CDC7: variants seen among roughly 807,000 people sequenced by gnomAD.
CDC7 encodes the protein cell division cycle 7-related protein kinase.
A neutral mutation model predicts 53.5 loss-of-function variants in CDC7; 34 were observed. The observed-to-expected ratio is 0.64, with a 90% confidence interval of 0.48 to 0.85. The LOEUF is 0.85. Among genes scored for constraint, CDC7 ranks in the 40% least tolerant of loss-of-function variants. CDC7 has a pLI of 0.00. For synonymous variants in CDC7, 211 were observed against 222.8 expected (o/e 0.95, Z 0.47); for missense variants, 594 against 679.7 (o/e 0.87, Z 1.40).
At chr1:91,504,643 A>G (rs1415805482) in intron 2 of CDC7, among the ~76,000 whole-genome samples, 1 of 152,166 alleles carries the variant, frequency 6.6e-6, no homozygotes, top group Non-Finnish European at 1.5e-5. Flanking sequence ...GATCTAGCTT[A>G]CGGCTATTGT....
intron 10 of CDC7, among the ~76,000 whole-genome samples, chr1:91,517,439 C>T (rs1287640948): frequency 6.6e-6 from 1 of 152,078 alleles, no homozygotes; most frequent in Non-Finnish European, 1.5e-5. Context: ...AGGATGTTTA[C>T]CAGATTCCTA....
intron 11 of CDC7, among the ~76,000 whole-genome samples, chr1:91,521,909 G>A (rs1288534393): frequency 6.6e-6 from 1 of 152,050 alleles, no homozygotes; most frequent in Non-Finnish European, 1.5e-5. Context: ...ACTCACACCT[G>A]TAATCCCAGC....
intron 6 of CDC7, among the ~76,000 whole-genome samples, chr1:91,512,390 T>C (rs1286047604): frequency 7.3e-6 from 1 of 137,466 alleles, no homozygotes; most frequent in African/African-American, 2.7e-5. Context: ...TAGCATGAAC[T>C]AACAGACTTA....
chr1:91,515,781 A>G lies in CDC7; in HGVS notation c.1098-13A>G. On this transcript the variant is annotated splice_polypyrimidine_tract_variant and intron_variant, in intron 9 of 11. Transcript: ENST00000234626. ...ACTTTAACATAACTAGAGAAATCTT[A>G]TTTCATCATAAGGCGTCAGCAGGTT... 1 of 1,612,658 alleles carries G rather than the reference A, an allele frequency of 6.2e-7. No homozygotes were observed. Among genetic ancestry groups the G allele is most frequent in the Non-Finnish European group, 8.5e-7 (1 of 1,179,428 alleles).
intron 10 of CDC7, among the ~76,000 whole-genome samples, chr1:91,519,382 CTG>C (rs1667788044): frequency 6.6e-6 from 1 of 151,286 alleles, no homozygotes; most frequent in South Asian, 2.1e-4. Flanking sequence ...TGAGCTGAGA[CTG>C]TGCCACTGCA....
intron 8 of CDC7, among the ~76,000 whole-genome samples, chr1:91,514,283 C>T (rs1667439630): frequency 6.6e-6 from 1 of 152,092 alleles, no homozygotes; most frequent in Admixed American, 6.6e-5. Context: ...TCTAGAGGAA[C>T]ATTTAGAACA....
intron 4 of CDC7, among the ~76,000 whole-genome samples, chr1:91,510,685 T>C (rs1218863744): frequency 6.6e-6 from 1 of 152,198 alleles, no homozygotes; most frequent in Non-Finnish European, 1.5e-5. Context: ...AATGCCTTCA[T>C]CTGATCTTAC....
At chr1:91,501,015 G>A (rs943757555) in intron 1 of CDC7, 67 bp downstream of exon 1, 1 of 152,296 alleles carries the variant, frequency 6.6e-6, no homozygotes, top group Non-Finnish European at 1.5e-5. Flanking sequence ...TCTGGATCGT[G>A]ACTTCGGTTT....
Position 91,525,396 on chromosome 1 carries a change from C to G in CDC7, c.*961C>G, listed in dbSNP as rs184846160. The G allele has an allele frequency of 5.9e-5, 9 of 152,102 alleles. No homozygotes were observed. The East Asian group carries it at 1.5e-3, about 26-fold the overall frequency. The allele number at this position is 152,102 out of a possible 1,614,324, so 9.4% of individuals were successfully genotyped here. A position where few individuals can be genotyped will look rare whatever the true frequency, so the allele number is the denominator to read the frequency against. ...TCCAGATCTCTGTATCCTGTTTTGA[C>G]TAAGTCTTAGGTGGGTTGGGAAGAC... is the stretch of plus-strand genomic sequence containing the variant. On this transcript the variant is annotated 3_prime_UTR_variant, in exon 12 of 12. Coordinates refer to ENST00000234626, the MANE Select transcript of CDC7 (RefSeq NM_003503.4).
intron 2 of CDC7, among the ~76,000 whole-genome samples, chr1:91,504,217 C>T (rs1666860968): frequency 6.6e-6 from 1 of 151,826 alleles, no homozygotes; most frequent in South Asian, 2.1e-4. Context: ...GCAATCCTAC[C>T]CCCTCAGCCT....
chr1:91,522,573 T>A (rs1302421680), intron 11 of CDC7, among the ~76,000 whole-genome samples: 1 of 151,988 alleles, frequency 6.6e-6, no homozygotes, highest in African/African-American at 2.4e-5. Flanking sequence ...TTTGGTCATA[T>A]AAAAAAAAGC....
At chr1:91,508,018 A>G in intron 3 of CDC7, 81 bp downstream of exon 3, 1 of 1,189,120 alleles carries the variant, frequency 8.4e-7, no homozygotes, top group Non-Finnish European at 1.2e-6. Flanking sequence ...GGTTTTCATT[A>G]CTATTTCTTA....
chr1:91,510,856 T>C (rs943145383), intron 4 of CDC7, among the ~76,000 whole-genome samples: 2 of 152,224 alleles, frequency 1.3e-5, no homozygotes, highest in Non-Finnish European at 1.5e-5. Flanking sequence ...TTATTCTCTT[T>C]GACTTCCATG....
At chr1:91,507,770 T>G in intron 2 of CDC7, 84 bp from the exon 3 acceptor site, 1 of 912,962 alleles carries the variant, frequency 1.1e-6, no homozygotes. Context: ...TTTTATAATT[T>G]ATTTCATTGA....
intron 9 of CDC7, among the ~76,000 whole-genome samples, chr1:91,515,380 A>T (rs1557596272): frequency 1.3e-5 from 2 of 152,148 alleles, no homozygotes. Context: ...TCTTTGACTC[A>T]TAAATTTCTT....
rs12141745 is a variant in CDC7, at chr1:91,502,197, A to G, written c.115+366A>G. Among the ~76,000 whole-genome samples, 217 of 152,370 alleles carry G rather than the reference A, an allele frequency of 1.4e-3. 1 individual carries two copies. Among genetic ancestry groups the G allele is most frequent in the Admixed American group, 3.1e-3 (48 of 15,308 alleles). On this transcript the variant is annotated intron_variant, in intron 2 of 11. Transcript: ENST00000234626. ...CTGGAGATCATCACTTAAGTATTCA[A>G]AAGCAGAACTCACAGACAAAAAAAT...
intron 4 of CDC7, among the ~76,000 whole-genome samples, chr1:91,510,711 AT>A (rs13447497): frequency 0.013 from 1,933 of 152,262 alleles, 32 homozygotes; most frequent in African/African-American, 0.044. Flanking sequence ...AGTCAGGCAA[AT>A]TGTCTTCAGG....
In CDC7 at chr1:91,511,963, C is replaced by A. The variant is rs372394686; in HGVS notation, c.572+40C>A. 6.9e-6 allele frequency: 10 copies of A among 1,448,786 alleles called. No individual in the cohort carries two copies. The African/African-American group carries it at 1.4e-4, about 21-fold the overall frequency. The allele number at this position is 1,448,786 out of a possible 1,614,324, so 89.7% of individuals were successfully genotyped here. A position where few individuals can be genotyped will look rare whatever the true frequency, so the allele number is the denominator to read the frequency against. ...TTACTAGAAAATATTTATCCTATTT[C>A]TTTTAAAAAACAATTTTATTGTCTA... On this transcript the variant is annotated intron_variant, in intron 6 of 11. Transcript: ENST00000234626.
Position 91,523,981 on chromosome 1 carries a change from GAT to G in CDC7, c.1331-55_1331-54del, listed in dbSNP as rs1329521472. The G allele has an allele frequency of 9.1e-6, 12 of 1,321,582 alleles. No individual in the cohort carries two copies. In the Middle Eastern group the frequency reaches 5.9e-4, roughly 65 times the overall value. 81.9% of individuals were successfully genotyped at this position (1,321,582 alleles called of 1,614,324 possible). A position where few individuals can be genotyped will look rare whatever the true frequency, so the allele number is the denominator to read the frequency against. The stretch of plus-strand genomic sequence containing the variant: ...CATGTTTCTCATGAGAGAGGCTTCT[GAT>G]ATATTCAAATAATAAAATGTTTTTT... On this transcript the variant is annotated intron_variant, in intron 11 of 11. Transcript: ENST00000234626.
Sources: allele counts gnomAD v4.1 joint callset (sites outside exome capture counted in the v4.1 genomes callset), GRCh38; gene constraint gnomAD v4.1.1; transcripts MANE v1.5; gene names NCBI Gene and HGNC (gene_info 2026-07-23, HGNC 2026-07-21).